BRD4: variants seen among roughly 807,000 people sequenced by gnomAD.
BRD4 encodes bromodomain containing 4.
A neutral mutation model predicts 142.1 loss-of-function variants in BRD4; 16 were observed. The observed-to-expected ratio is 0.11, with a 90% CI of 0.08 to 0.17. The LOEUF (loss-of-function observed/expected upper bound fraction) is 0.17, where lower values mean the gene tolerates loss of function less well. BRD4 is among the 10% of genes least tolerant of loss of function. The pLI is 1.00. For missense variants in BRD4, 1,424 were observed against 1,810.9 expected, an observed-to-expected ratio of 0.79 and a Z score of 3.88; for synonymous variants, 833 against 707.5, an observed-to-expected ratio of 1.18 and a Z score of -2.82.
At chr19:15,328,189 T>C (rs963956385) in intron 1 of BRD4, among the ~76,000 whole-genome samples, 2 of 152,100 alleles carry the variant, frequency 1.3e-5, no homozygotes, top group African/African-American at 2.4e-5. Context: ...TCTTTCCTTG[T>C]ACATAGTAAG....
rs1188125743 is a variant in BRD4 at position 15,237,245 on chromosome 19, T to TTG, written c.*1131_*1132insCA. On this transcript the variant is annotated 3_prime_UTR_variant, in exon 20 of 20. Coordinates refer to ENST00000679869, the MANE Select transcript of BRD4 (RefSeq NM_001379291.1). ...AAAAACAAAAAAGCCAACAAATGGG[T>TTG]GGGGGGGGGGGGGGTGGAGGGGAAA... The TTG allele has an allele frequency of 5.4e-4, 13 of 23,896 alleles. No homozygotes were observed. The highest frequency in any genetic ancestry group is 9.0e-4 in the Non-Finnish European group (13 of 14,400). 1.5% of individuals were successfully genotyped at this position (23,896 alleles called of 1,614,324 possible).
intron 1 of BRD4, chr19:15,280,289 G>A (rs1007816242): frequency 8.9e-6 from 9 of 1,009,690 alleles, no homozygotes; most frequent in African/African-American, 8.6e-5. Context: ...CACCCACAAG[G>A]GGCAGAGGCC....
intron 1 of BRD4, among the ~76,000 whole-genome samples, chr19:15,331,374 G>A (rs2048156436): frequency 1.3e-5 from 2 of 152,126 alleles, no homozygotes; most frequent in South Asian, 4.1e-4. Context: ...TTATTTCGCT[G>A]AATCACAACT....
chr19:15,298,620 C>CAAAAAAA (rs57719337), intron 1 of BRD4, among the ~76,000 whole-genome samples: 16 of 66,038 alleles, frequency 2.4e-4, no homozygotes, highest in South Asian at 6.0e-4. Context: ...GACTCCAACT[C>CAAAAAAA]AAAAAAAAAA....
chr19:15,278,704 T>C (rs895942862), intron 1 of BRD4, among the ~76,000 whole-genome samples: 1 of 151,916 alleles, frequency 6.6e-6, no homozygotes, highest in Non-Finnish European at 1.5e-5. Context: ...GGCTACTTCC[T>C]CTGGCCTGAG....
intron 7 of BRD4, among the ~76,000 whole-genome samples, chr19:15,260,670 C>T (rs1483799771): frequency 2.0e-5 from 3 of 152,088 alleles, no homozygotes; most frequent in Non-Finnish European, 2.9e-5. Context: ...CACTCCAGTC[C>T]GGCACCTGGA....
chr19:15,271,367 G>A (rs1039367702), intron 2 of BRD4, among the ~76,000 whole-genome samples: 1 of 152,090 alleles, frequency 6.6e-6, no homozygotes, highest in Non-Finnish European at 1.5e-5. Context: ...TCTGTGTCAC[G>A]TCTTCCTAAG....
At chr19:15,267,846 A>C (rs1447073475) in intron 3 of BRD4, among the ~76,000 whole-genome samples, 2 of 152,312 alleles carry the variant, frequency 1.3e-5, no homozygotes, top group South Asian at 4.1e-4. Flanking sequence ...AAGCTCAGCC[A>C]ATCACTGAAA....
chr19:15,255,211 CAGAA>C, intron 10 of BRD4, 82 bp downstream of exon 10: 1 of 1,301,246 alleles, frequency 7.7e-7, no homozygotes, highest in Non-Finnish European at 1.0e-6. Flanking sequence ...GGGGGGGGCG[CAGAA>C]AGAGTGGACT....
chr19:15,269,065 C>T, intron 2 of BRD4, 23 bp from the exon 3 acceptor site: 1 of 1,613,166 alleles, frequency 6.2e-7, no homozygotes, highest in Admixed American at 1.7e-5. Context: ...GAGCAAAAGT[C>T]CAGTGTCACC....
At chr19:15,286,002 C>T (rs958658863) in intron 1 of BRD4, among the ~76,000 whole-genome samples, 2 of 152,136 alleles carry the variant, frequency 1.3e-5, no homozygotes, top group African/African-American at 4.8e-5. Context: ...AAGTTATTCC[C>T]AGGTTCTCCC....
intron 1 of BRD4, among the ~76,000 whole-genome samples, chr19:15,294,745 G>A (rs1279809900): frequency 1.3e-5 from 2 of 152,074 alleles, no homozygotes; most frequent in African/African-American, 4.8e-5. Context: ...GAACAGAATC[G>A]CTATCTCCTC....
In BRD4 at chr19:15,309,563, C is replaced by A. The variant is rs191839615; in HGVS notation, c.-35+22727G>T. 9.9e-5 allele frequency among the ~76,000 whole-genome samples: 15 copies of A among 152,226 alleles called. No individual in the cohort carries two copies. In the East Asian group the frequency reaches 2.3e-3, roughly 24 times the overall value. On this transcript the variant is annotated intron_variant, in intron 1 of 19. Coordinates refer to ENST00000679869, the MANE Select transcript of BRD4 (RefSeq NM_001379291.1). Reference sequence around the variant, plus strand: ...GAATGTCCCAGAAATTCCTCCCCTACGCATATGCCAAGAGAAAGGGAAACA... The same window carrying A: ...GAATGTCCCAGAAATTCCTCCCCTAAGCATATGCCAAGAGAAAGGGAAACA...
chr19:15,286,540 C>T (rs2047741525), intron 1 of BRD4, among the ~76,000 whole-genome samples: 1 of 152,186 alleles, frequency 6.6e-6, no homozygotes, highest in African/African-American at 2.4e-5. Flanking sequence ...ACAGAGAAAG[C>T]AGGTATGCTT....
At chr19:15,253,251 G>T in intron 11 of BRD4, 1 of 458,422 alleles carries the variant, frequency 2.2e-6, no homozygotes, top group Non-Finnish European at 3.9e-6. Flanking sequence ...GGGGCTGGTC[G>T]CCAGGCCTTC....
At chr19:15,266,411 G>C (rs1466706140) in intron 4 of BRD4, among the ~76,000 whole-genome samples, 1 of 152,202 alleles carries the variant, frequency 6.6e-6, no homozygotes, top group African/African-American at 2.4e-5. Context: ...GAGCAAGGGT[G>C]AGATTCTGCT....
chr19:15,320,439 T>C (rs1397898761), intron 1 of BRD4, among the ~76,000 whole-genome samples: 2 of 152,192 alleles, frequency 1.3e-5, no homozygotes, highest in East Asian at 1.9e-4. Flanking sequence ...GAACTAACAA[T>C]AGTTACTAGT....
chr19:15,259,728 G>A (rs921223678), intron 7 of BRD4, among the ~76,000 whole-genome samples: 40 of 152,224 alleles, frequency 2.6e-4, no homozygotes, highest in Admixed American at 6.5e-5. Context: ...ACAGTCACAA[G>A]TCTCCAAGTA....
intron 1 of BRD4, among the ~76,000 whole-genome samples, chr19:15,299,484 T>A (rs1456951354): frequency 6.6e-6 from 1 of 151,890 alleles, no homozygotes; most frequent in Non-Finnish European, 1.5e-5. Flanking sequence ...TGGTGGTGGG[T>A]AGGGGGTGAA....
Sources: gnomAD v4.1 joint callset for allele counts (sites outside exome capture counted in the v4.1 genomes callset) on GRCh38, gnomAD v4.1.1 for gene constraint, MANE v1.5 for transcripts, NCBI Gene and HGNC (gene_info 2026-07-23, HGNC 2026-07-21) for gene names.